Variants in FOSB observed in about 807,000 individuals in gnomAD.
FOSB encodes the protein FosB proto-oncogene, AP-1 transcription factor subunit.
A neutral mutation model predicts 31.1 loss-of-function variants in FOSB; 8 were observed. The ratio of observed to expected loss-of-function variants is 0.26; its 90% CI spans 0.15 to 0.46. The LOEUF (loss-of-function observed/expected upper bound fraction) is 0.46, where lower values mean the gene tolerates loss of function less well. Among genes scored for constraint, FOSB ranks in the 20% least tolerant of loss-of-function variants. FOSB has a pLI of 0.99. For missense variants in FOSB, 376 were observed against 460.6 expected (o/e 0.82, Z 1.68); for synonymous variants, 214 against 206.1 (o/e 1.04, Z -0.33).
In FOSB at chr19:45,472,602, G is replaced by C. The variant is rs749866817; in HGVS notation, c.607G>C (p.Glu203Gln). The C allele has an allele frequency of 1.3e-6, 2 of 1,535,044 alleles. No individual in the cohort carries two copies. Among genetic ancestry groups the C allele is most frequent in the East Asian group, 2.3e-5 (1 of 44,050 alleles). Reference protein sequence around the residue: ...EKAELESEIAELQKEKERLEF... With the variant: ...EKAELESEIAQLQKEKERLEF... ...AGCAGAGCTGGAGTCGGAGATCGCC[G>C]AGCTCCAAAAGGAGAAGGAACGTCT... Residue 203 changes from glutamate to glutamine, a missense_variant, in exon 4 of 4, where the codon GAG becomes CAG. Physicochemically the swap from Glu to Gln is conservative, Grantham distance 29. This residue lies in a region of FOSB where 35 missense variants were observed against 83.5 expected (regional missense o/e 0.42). Transcript: ENST00000353609. The surrounding 1 kb of genome is among the most constrained non-coding windows in gnomAD (Gnocchi z 5.4).
chr19:45,471,642 T>G, intron 3 of FOSB: 1 of 213,782 alleles, frequency 4.7e-6, no homozygotes, highest in African/African-American at 2.2e-5. Flanking sequence ...TGCCTCAGTT[T>G]CTCCATCTCT....
chr19:45,470,540 G>A (rs1967610806), intron 1 of FOSB, 89 bp from the exon 2 acceptor site: 9 of 1,325,920 alleles, frequency 6.8e-6, no homozygotes, highest in African/African-American at 1.5e-5. Context: ...TCACTCACGG[G>A]GTCGGTGTGT....
Position 45,468,592 on chromosome 19 carries a change from T to C in FOSB, c.6T>C (p.Phe2=). The change falls in exon 1 of 4, where the codon TTT becomes TTC. Residue 2 remains phenylalanine (F), a synonymous_variant. Coordinates refer to ENST00000353609, the MANE Select transcript of FOSB (RefSeq NM_006732.3). This position sits in a 1 kb window ranked among gnomAD's most constrained non-coding sequence, Gnocchi z 4.8. ...GCCCCCCTGTGCCCAGGGAAATGTT[T>C]CAGGCTTTCCCCGGAGACTACGACT... M[F]QAFPGDYDSG... The C allele has an allele frequency of 6.2e-7, 1 of 1,611,508 alleles. No individual in the cohort carries two copies. The highest frequency in any genetic ancestry group is 8.5e-7 in the Non-Finnish European group (1 of 1,179,238).
Position 45,473,255 on chromosome 19 carries a change from G to A in FOSB, c.*243G>A, listed in dbSNP as rs1967746472. The A allele has an allele frequency of 1.8e-6, 1 of 542,176 alleles. No individual in the cohort carries two copies. The highest frequency in any genetic ancestry group is 3.3e-6 in the Non-Finnish European group (1 of 305,542). The allele number at this position is 542,176 out of a possible 1,614,324, so 33.6% of individuals were successfully genotyped here. A position where few individuals can be genotyped will look rare whatever the true frequency, so the allele number is the denominator to read the frequency against. ...CGGAGAGCTGGTGACTTTGGGGACAGGGGGTGGGAAGGGGATGGACACCCC... is the reference window on the plus strand; with the variant it reads ...CGGAGAGCTGGTGACTTTGGGGACAAGGGGTGGGAAGGGGATGGACACCCC... On this transcript the variant is annotated 3_prime_UTR_variant, in exon 4 of 4. Coordinates refer to ENST00000353609, the MANE Select transcript of FOSB (RefSeq NM_006732.3).
rs1359781375 is a variant in FOSB, at chr19:45,468,693, C to T, written c.107C>T (p.Pro36Leu). 1 of 1,607,738 alleles carries T rather than the reference C, an allele frequency of 6.2e-7. No homozygotes were observed. The highest frequency in any genetic ancestry group is 1.1e-5 in the South Asian group (1 of 90,178). The change falls in exon 1 of 4, where the codon CCC becomes CTC. Residue 36 changes from proline (P) to leucine (L), a missense_variant. Physicochemically the swap from Pro to Leu is moderately conservative, Grantham distance 98. Around this residue, in one of 3 missense-constraint regions of FOSB, gnomAD observed 193 missense variants for 207.1 expected, o/e 0.93. Coordinates refer to ENST00000353609, the MANE Select transcript of FOSB (RefSeq NM_006732.3). The surrounding 1 kb of genome is among the most constrained non-coding windows in gnomAD (Gnocchi z 4.8). ...TCGGTGGACTCCTTCGGCAGTCCAC[C>T]CACCGCCGCCGCCTCCCAGGTAAGT... ...LSSVDSFGSP[P>L]TAAASQECAG...
chr19:45,470,601 G>T, intron 1 of FOSB, 28 bp from the exon 2 acceptor site: 1 of 1,573,972 alleles, frequency 6.4e-7, no homozygotes, highest in African/African-American at 1.3e-5. Context: ...GTGTGTCTAC[G>T]CCTGTGTGTG....
chr19:45,468,484 C>A lies in FOSB; in HGVS notation c.-103C>A. On this transcript the variant is annotated 5_prime_UTR_variant, in exon 1 of 4. Transcript: ENST00000353609. This position sits in a 1 kb window ranked among gnomAD's most constrained non-coding sequence, Gnocchi z 4.8. ...ACTCGCTCAGCTCACCGGGGACTCC[C>A]ACGGCTCACCCCGGACTTGCACCTT... is the stretch of plus-strand genomic sequence containing the variant. 1 of 1,328,478 alleles carries A rather than the reference C, an allele frequency of 7.5e-7. No homozygotes were observed. Among genetic ancestry groups the A allele is most frequent in the African/African-American group, 1.5e-5 (1 of 67,376 alleles). The allele number at this position is 1,328,478 out of a possible 1,614,324, so 82.3% of individuals were successfully genotyped here. A position where few individuals can be genotyped will look rare whatever the true frequency, so the allele number is the denominator to read the frequency against.
intron 1 of FOSB, among the ~76,000 whole-genome samples, chr19:45,469,465 T>TC (rs1164297818): frequency 6.6e-6 from 1 of 152,044 alleles, no homozygotes. Flanking sequence ...CCTTCCCCCC[T>TC]CTCTGTCCCC....
intron 1 of FOSB, chr19:45,470,287 C>A: frequency 3.2e-6 from 1 of 316,650 alleles, no homozygotes; most frequent in Non-Finnish European, 5.9e-6. Flanking sequence ...GGCTCCGTCC[C>A]GGGGGTTCTG....
rs1209458706 is a variant in FOSB at position 45,472,065 on chromosome 19, A to G, written c.556-486A>G. 6.6e-6 allele frequency: 1 copy of G among 152,412 alleles called. No individual in the cohort carries two copies. The highest frequency in any genetic ancestry group is 1.5e-5 in the Non-Finnish European group (1 of 68,358). 9.4% of individuals were successfully genotyped at this position (152,412 alleles called of 1,614,324 possible). A position where few individuals can be genotyped will look rare whatever the true frequency, so the allele number is the denominator to read the frequency against. ...GGAAACATAGGGAGGACTTGTCTCT[A>G]CCAAGAAAAAAAAAAATTAGTTGGG... On this transcript the variant is annotated intron_variant, in intron 3 of 3. Transcript: ENST00000353609. The surrounding 1 kb of genome is among the most constrained non-coding windows in gnomAD (Gnocchi z 5.4).
In FOSB at chr19:45,470,903, C is replaced by A. The variant is rs1240825112; in HGVS notation, c.401C>A (p.Pro134His). The A allele has an allele frequency of 1.2e-6, 2 of 1,613,734 alleles. No homozygotes were observed. The highest frequency in any genetic ancestry group is 1.7e-6 in the Non-Finnish European group (2 of 1,180,006). The stretch of plus-strand genomic sequence containing the variant: ...AGCGGAACTACCAGTGGGCCTGGGC[C>A]TGCCCGCCCAGCCCGAGCCCGGCCT... ...STSGTTSGPG[P>H]ARPARARPRR... The change falls in exon 2 of 4, where the codon CCT (proline) becomes CAT (histidine). Residue 134 changes from proline (P) to histidine (H), a missense_variant. Physicochemically the swap from Pro to His is moderately conservative, Grantham distance 77. Coordinates refer to ENST00000353609, the MANE Select transcript of FOSB (RefSeq NM_006732.3).
chr19:45,470,500 C>T, intron 1 of FOSB, 129 bp from the exon 2 acceptor site: 1 of 914,176 alleles, frequency 1.1e-6, no homozygotes, highest in Non-Finnish European at 1.7e-6. Flanking sequence ...TTCCCTGTGA[C>T]ACACACATCC....
chr19:45,471,907 G>A (rs1967688365), intron 3 of FOSB: 1 of 152,694 alleles, frequency 6.5e-6, no homozygotes, highest in African/African-American at 2.4e-5. Context: ...CTCTTCCCCG[G>A]GAGGTAGAGA....
Position 45,470,933 on chromosome 19 carries a change from G to T in FOSB, c.431G>T (p.Arg144Ile). 1 of 1,612,040 alleles carries T rather than the reference G, an allele frequency of 6.2e-7. No homozygotes were observed. The highest frequency in any genetic ancestry group is 8.5e-7 in the Non-Finnish European group (1 of 1,179,986). The change falls in exon 2 of 4, where the codon AGA (arginine) becomes ATA (isoleucine). Residue 144 changes from arginine (R) to isoleucine (I), a missense_variant. Coordinates refer to ENST00000353609, the MANE Select transcript of FOSB (RefSeq NM_006732.3). The stretch of plus-strand genomic sequence containing the variant: ...CGCCCAGCCCGAGCCCGGCCTAGGA[G>T]ACCCCGAGAGGAGACGGTGAGTAAG... The part of the protein sequence containing the change: ...PARPARARPR[R>I]PREETLTPEE...
At position 45,473,120 on chromosome 19, in the gene FOSB, G is replaced by T; in HGVS notation, c.*108G>T. On this transcript the variant is annotated 3_prime_UTR_variant, in exon 4 of 4. Transcript: ENST00000353609. ...AGGGGAAGAGACAAAGTGGGTGTGT[G>T]GCCTCCCTGGCTCCTCCGTCTGACC... The T allele has an allele frequency of 1.0e-6, 1 of 988,042 alleles. No homozygotes were observed. Among genetic ancestry groups the T allele is most frequent in the South Asian group, 1.5e-5 (1 of 67,102 alleles). The allele number at this position is 988,042 out of a possible 1,614,324, so 61.2% of individuals were successfully genotyped here.
Position 45,468,474 on chromosome 19 carries a change from C to A in FOSB, c.-113C>A. 8.6e-7 allele frequency: 1 copy of A among 1,162,844 alleles called. No individual in the cohort carries two copies. Among genetic ancestry groups the A allele is most frequent in the Non-Finnish European group, 1.2e-6 (1 of 819,904 alleles). The allele number at this position is 1,162,844 out of a possible 1,614,324, so 72.0% of individuals were successfully genotyped here. A position where few individuals can be genotyped will look rare whatever the true frequency, so the allele number is the denominator to read the frequency against. ...TACTTTGAGGACTCGCTCAGCTCAC[C>A]GGGGACTCCCACGGCTCACCCCGGA... On this transcript the variant is annotated 5_prime_UTR_variant, in exon 1 of 4. Coordinates refer to ENST00000353609, the MANE Select transcript of FOSB (RefSeq NM_006732.3). This position sits in a 1 kb window ranked among gnomAD's most constrained non-coding sequence, Gnocchi z 4.8.
In FOSB at chr19:45,468,602, C is replaced by T. The variant is rs745875857; in HGVS notation, c.16C>T (p.Pro6Ser). 1 of 1,612,882 alleles carries T rather than the reference C, an allele frequency of 6.2e-7. No homozygotes were observed. Among genetic ancestry groups the T allele is most frequent in the South Asian group, 1.1e-5 (1 of 90,982 alleles). Residue 6 changes from proline to serine, a missense_variant, in exon 1 of 4, where the codon CCC (proline) becomes TCC (serine). Physicochemically the swap from Pro to Ser is moderately conservative, Grantham distance 74. Transcript: ENST00000353609. This position sits in a 1 kb window ranked among gnomAD's most constrained non-coding sequence, Gnocchi z 4.8. ...GCCCAGGGAAATGTTTCAGGCTTTC[C>T]CCGGAGACTACGACTCCGGCTCCCG... MFQAF[P>S]GDYDSGSRCS...
rs1967483245 is a variant in FOSB at position 45,468,079 on chromosome 19, G to A, written c.-508G>A. On this transcript the variant is annotated 5_prime_UTR_variant, in exon 1 of 4. Coordinates refer to ENST00000353609, the MANE Select transcript of FOSB (RefSeq NM_006732.3). The surrounding 1 kb of genome is among the most constrained non-coding windows in gnomAD (Gnocchi z 4.8). Reference sequence around the variant, plus strand: ...CTTGATTGTTGTGGTTCTTCTTGGGGGTTATGAAATTTCATTAATCTTTTT... The same window carrying A: ...CTTGATTGTTGTGGTTCTTCTTGGGAGTTATGAAATTTCATTAATCTTTTT... 6.7e-6 allele frequency: 1 copy of A among 149,092 alleles called. No homozygotes were observed. 9.2% of individuals were successfully genotyped at this position (149,092 alleles called of 1,614,324 possible).
In FOSB at chr19:45,470,821, C is replaced by A. The variant is rs1202830634; in HGVS notation, c.319C>A (p.Pro107Thr). The A allele has an allele frequency of 2.5e-6, 4 of 1,613,966 alleles. No individual in the cohort carries two copies. The highest frequency in any genetic ancestry group is 1.3e-5 in the African/African-American group (1 of 74,898). ...YDMPGTSYST[P>T]GMSGYSSGGA... ...CATGCCGGGAACCAGCTACTCCACA[C>A]CAGGCATGAGTGGCTACAGCAGTGG... The change falls in exon 2 of 4, where the codon CCA becomes ACA. Residue 107 changes from proline to threonine, a missense_variant. Pro to Thr is a conservative substitution (Grantham distance 38). Transcript: ENST00000353609.
Sources: gnomAD v4.1 joint callset for allele counts (sites outside exome capture counted in the v4.1 genomes callset) on GRCh38, gnomAD v4.1.1 for gene constraint, gnomAD v4.1.1 regional missense constraint, Gnocchi (gnomAD v3.1) non-coding constraint, MANE v1.5 for transcripts, NCBI Gene and HGNC (gene_info 2026-07-23, HGNC 2026-07-21) for gene names.